The following GPC5 variants were observed in gnomAD, a reference collection of about 807,000 sequenced individuals.
GPC5 encodes glypican 5, also known as glypican-5.
GPC5 carries 47 observed loss-of-function variants against 53.9 expected under a neutral mutation model. The ratio of observed to expected loss-of-function variants is 0.87; its 90% CI spans 0.69 to 1.11. The LOEUF (loss-of-function observed/expected upper bound fraction) is 1.11, where lower values mean the gene tolerates loss of function less well. GPC5 is among the 50% of genes most tolerant of loss of function. The pLI, the probability that GPC5 is intolerant of heterozygous loss-of-function variation, is 0.00. For synonymous variants in GPC5, 286 were observed against 263.3 expected, an observed-to-expected ratio of 1.09 and a Z score of -0.84; for missense variants, 748 against 713.1, an observed-to-expected ratio of 1.05 and a Z score of -0.56.
chr13:92,546,350 A>G (rs1269530092), intron 7 of GPC5, among the ~76,000 whole-genome samples: 1 of 152,208 alleles, frequency 6.6e-6, no homozygotes, highest in Non-Finnish European at 1.5e-5. Flanking sequence ...TGCAAAAATC[A>G]CAAACATTCT....
chr13:92,225,118 T>C (rs1330972826), intron 7 of GPC5, among the ~76,000 whole-genome samples: 1 of 152,190 alleles, frequency 6.6e-6, no homozygotes, highest in East Asian at 1.9e-4. Context: ...TTTCAGTGCT[T>C]GGCCAGGATG....
intron 2 of GPC5, among the ~76,000 whole-genome samples, chr13:91,502,825 G>A (rs1214449204): frequency 6.6e-6 from 1 of 152,106 alleles, no homozygotes; most frequent in African/African-American, 2.4e-5. Flanking sequence ...CATTTTATGA[G>A]CAAGAAAAAT....
intron 1 of GPC5, among the ~76,000 whole-genome samples, chr13:91,415,403 T>C (rs1878131299): frequency 6.6e-6 from 1 of 152,126 alleles, no homozygotes; most frequent in African/African-American, 2.4e-5. Flanking sequence ...CCAGCATCCA[T>C]GAAGCAGCAA....
At chr13:92,768,036 T>C (rs552944539) in intron 7 of GPC5, among the ~76,000 whole-genome samples, 1 of 152,308 alleles carries the variant, frequency 6.6e-6, no homozygotes, top group Admixed American at 6.5e-5. Flanking sequence ...CTAAGTCAGG[T>C]ATTTCCCTAG....
At chr13:92,421,560 G>A (rs368712889) in intron 7 of GPC5, among the ~76,000 whole-genome samples, 42 of 151,904 alleles carry the variant, frequency 2.8e-4, no homozygotes, top group Admixed American at 1.4e-3. Flanking sequence ...TTAGTCGGGC[G>A]TGGTGGCGGG....
chr13:92,278,861 C>T (rs1377635436), intron 7 of GPC5, among the ~76,000 whole-genome samples: 2 of 152,040 alleles, frequency 1.3e-5, no homozygotes, highest in East Asian at 1.9e-4. Context: ...TATTTCTGGA[C>T]TCTCAATTCT....
At chr13:92,459,083 A>T (rs1878384732) in intron 7 of GPC5, among the ~76,000 whole-genome samples, 1 of 152,190 alleles carries the variant, frequency 6.6e-6, no homozygotes, top group African/African-American at 2.4e-5. Flanking sequence ...GTTAGTCCAG[A>T]TGAAATGTAT....
At chr13:92,127,344 A>T (rs1420420806) in intron 6 of GPC5, among the ~76,000 whole-genome samples, 2 of 150,790 alleles carry the variant, frequency 1.3e-5, no homozygotes, top group Non-Finnish European at 2.9e-5. Context: ...TATATATATC[A>T]AAAGATGCTG....
At chr13:92,042,051 T>A (rs1419917203) in intron 6 of GPC5, among the ~76,000 whole-genome samples, 1 of 152,074 alleles carries the variant, frequency 6.6e-6, no homozygotes, top group Admixed American at 6.5e-5. Flanking sequence ...CTGGGATAGG[T>A]ATGCACAGGT....
intron 7 of GPC5, among the ~76,000 whole-genome samples, chr13:92,745,996 C>G (rs1307031870): frequency 2.0e-5 from 3 of 152,072 alleles, no homozygotes; most frequent in African/African-American, 7.2e-5. Context: ...CTCATGAACA[C>G]AAGCCTTCAG....
At chr13:92,138,545 AAAAAAT>A (rs1182885452) in intron 6 of GPC5, among the ~76,000 whole-genome samples, 40 of 85,392 alleles carry the variant, frequency 4.7e-4, no homozygotes, top group South Asian at 9.2e-4. Flanking sequence ...AAAAAATAAA[AAAAAAT>A]AAAAATAAAA....
chr13:92,181,927 C>T (rs1037212426), intron 7 of GPC5, among the ~76,000 whole-genome samples: 2 of 151,952 alleles, frequency 1.3e-5, no homozygotes, highest in Non-Finnish European at 2.9e-5. Flanking sequence ...TAAGGAGGCT[C>T]AATGTTGAGT....
chr13:92,188,200 TC>T (rs763009378), intron 7 of GPC5, among the ~76,000 whole-genome samples: 3 of 152,152 alleles, frequency 2.0e-5, no homozygotes, highest in Non-Finnish European at 2.9e-5. Context: ...TTAAAAAAAT[TC>T]CTGAGACAGT....
intron 2 of GPC5, among the ~76,000 whole-genome samples, chr13:91,571,784 T>TACGTGTGTGTATGTATACACACAC (rs1566515148): frequency 1.6e-4 from 20 of 125,450 alleles, no homozygotes; most frequent in African/African-American, 4.6e-4. Context: ...TACACACACA[T>TACGTGTGTGTATGTATACACACAC]ATACGTGTGT....
intron 7 of GPC5, among the ~76,000 whole-genome samples, chr13:92,383,500 C>T (rs2043767286): frequency 6.6e-6 from 1 of 152,044 alleles, no homozygotes; most frequent in African/African-American, 2.4e-5. Flanking sequence ...AAATGATAGA[C>T]GACTAAAACA....
At chr13:91,688,904 A>G (rs1332326055) in intron 2 of GPC5, among the ~76,000 whole-genome samples, 4 of 151,956 alleles carry the variant, frequency 2.6e-5, no homozygotes, top group Non-Finnish European at 5.9e-5. Flanking sequence ...CTGAGCCTGT[A>G]ATCCTAGCAC....
chr13:92,349,058 T>C (rs376268285), intron 7 of GPC5, among the ~76,000 whole-genome samples: 1 of 152,108 alleles, frequency 6.6e-6, no homozygotes, highest in Middle Eastern at 3.4e-3. Flanking sequence ...ATAATAAAGA[T>C]TGGAGTAGAA....
At chr13:91,780,653 G>A (rs1050396206) in intron 5 of GPC5, among the ~76,000 whole-genome samples, 1 of 152,100 alleles carries the variant, frequency 6.6e-6, no homozygotes. Context: ...GCTATTTAGG[G>A]ATGTTTCTAG....
In GPC5 at chr13:92,081,505, A is replaced by AT. The variant is rs370721487; in HGVS notation, c.1402-63315dup. On this transcript the variant is annotated intron_variant, in intron 6 of 7. Coordinates refer to ENST00000377067, the MANE Select transcript of GPC5 (RefSeq NM_004466.6). Reference sequence around the variant, plus strand: ...TTAAAGAGGCAATTAGGAAGATCAGATTTTTTTTTTATTTTACAAAAATAC... The same window carrying AT: ...TTAAAGAGGCAATTAGGAAGATCAGATTTTTTTTTTTATTTTACAAAAATAC... Among the ~76,000 whole-genome samples the AT allele has an allele frequency of 8.2e-3, 1,239 of 150,494 alleles. 24 individuals are homozygous for AT. The highest frequency in any genetic ancestry group is 0.026 in the African/African-American group (1,063 of 41,186).
Sources: gnomAD v4.1 joint callset for allele counts (sites outside exome capture counted in the v4.1 genomes callset) on GRCh38, gnomAD v4.1.1 for gene constraint, MANE v1.5 for transcripts, NCBI Gene and HGNC (gene_info 2026-07-23, HGNC 2026-07-21) for gene names.